ATF6: variants seen among roughly 807,000 people sequenced by gnomAD.
ATF6 encodes activating transcription factor 6.
In ATF6, 53 loss-of-function variants were observed where a neutral mutation model predicts 83.6. The ratio of observed to expected loss-of-function variants is 0.63; its 90% CI spans 0.51 to 0.80. The LOEUF (loss-of-function observed/expected upper bound fraction) is 0.80. Among genes scored for constraint, ATF6 ranks in the 30% least tolerant of loss-of-function variants. The probability of loss-of-function intolerance (pLI) is 0.00; values close to 1 mark genes in which losing one functional copy is unlikely to be tolerated. For synonymous variants in ATF6, 288 were observed against 285.8 expected (o/e 1.01, Z -0.08); for missense variants, 744 against 797.9 (o/e 0.93, Z 0.81).
At chr1:161,875,960 T>C (rs1168785534) in intron 14 of ATF6, among the ~76,000 whole-genome samples, 1 of 151,992 alleles carries the variant, frequency 6.6e-6, no homozygotes, top group African/African-American at 2.4e-5. Flanking sequence ...TGTGCATGTA[T>C]ATGAACATAG....
At chr1:161,920,027 C>T (rs1688172811) in intron 15 of ATF6, among the ~76,000 whole-genome samples, 2 of 152,162 alleles carry the variant, frequency 1.3e-5, no homozygotes, top group South Asian at 2.1e-4. Context: ...ATTTGGAAAC[C>T]GTCCTATTCA....
At chr1:161,901,860 A>T (rs1256761873) in intron 14 of ATF6, among the ~76,000 whole-genome samples, 1 of 152,166 alleles carries the variant, frequency 6.6e-6, no homozygotes, top group Non-Finnish European at 1.5e-5. Context: ...GTTTGAATGG[A>T]ACTTGTACCC....
At chr1:161,891,580 T>G (rs1206630212) in intron 14 of ATF6, 1 of 152,262 alleles carries the variant, frequency 6.6e-6, no homozygotes. Context: ...CAGATCCTGC[T>G]GCACCTACGG....
chr1:161,903,822 T>C (rs1687835244), intron 14 of ATF6, among the ~76,000 whole-genome samples: 1 of 152,196 alleles, frequency 6.6e-6, no homozygotes. Context: ...TCCATCCTTT[T>C]AATCTCTGTC....
intron 15 of ATF6, among the ~76,000 whole-genome samples, chr1:161,942,580 A>G (rs1688669074): frequency 6.6e-6 from 1 of 152,204 alleles, no homozygotes; most frequent in Non-Finnish European, 1.5e-5. Flanking sequence ...CACAATAACA[A>G]TTACTCCCAT....
chr1:161,911,351 T>G (rs1022847343), intron 14 of ATF6, among the ~76,000 whole-genome samples: 1 of 152,198 alleles, frequency 6.6e-6, no homozygotes, highest in African/African-American at 2.4e-5. Context: ...CTGAAAACAG[T>G]AGTTAATATC....
intron 6 of ATF6, among the ~76,000 whole-genome samples, chr1:161,797,060 C>T (rs1171785716): frequency 6.6e-6 from 1 of 151,924 alleles, no homozygotes; most frequent in Non-Finnish European, 1.5e-5. Context: ...GCGTATTTGG[C>T]CTAAGCATGT....
chr1:161,864,258 T>C (rs1440301247), intron 14 of ATF6, among the ~76,000 whole-genome samples: 1 of 152,156 alleles, frequency 6.6e-6, no homozygotes, highest in Non-Finnish European at 1.5e-5. Flanking sequence ...AGCAGGTCCA[T>C]TTATATGTGG....
At chr1:161,851,170 A>ACACACACC (rs751938401) in intron 10 of ATF6, among the ~76,000 whole-genome samples, 1 of 135,586 alleles carries the variant, frequency 7.4e-6, no homozygotes, top group South Asian at 2.3e-4. Flanking sequence ...ACACACACAC[A>ACACACACC]CCCCTACCTG....
At chr1:161,912,902 A>G (rs1434625355) in intron 15 of ATF6, among the ~76,000 whole-genome samples, 1 of 152,166 alleles carries the variant, frequency 6.6e-6, no homozygotes, top group Non-Finnish European at 1.5e-5. Flanking sequence ...AATATAATGC[A>G]CAGATGTTAA....
intron 15 of ATF6, among the ~76,000 whole-genome samples, chr1:161,931,719 T>C (rs145097664): frequency 1.2e-3 from 180 of 152,336 alleles, no homozygotes; most frequent in African/African-American, 4.1e-3. Context: ...CCATTTTTTA[T>C]TGGATAATTT....
At chr1:161,793,908 G>GT (rs1015649520) in intron 6 of ATF6, among the ~76,000 whole-genome samples, 206 of 151,566 alleles carry the variant, frequency 1.4e-3, no homozygotes, top group Non-Finnish European at 2.3e-3. Flanking sequence ...CACCTTGCCT[G>GT]TTTTTTTTCT....
intron 7 of ATF6, among the ~76,000 whole-genome samples, chr1:161,812,048 C>T (rs1012875767): frequency 1.3e-5 from 2 of 152,172 alleles, no homozygotes; most frequent in Non-Finnish European, 2.9e-5. Context: ...AAGGAATCAA[C>T]TAGCTAAGTG....
chr1:161,954,945 A>T (rs897843528), intron 15 of ATF6, among the ~76,000 whole-genome samples: 2 of 152,072 alleles, frequency 1.3e-5, no homozygotes, highest in Admixed American at 1.3e-4. Flanking sequence ...TGAACCTTTA[A>T]TGTTTTGACT....
intron 15 of ATF6, among the ~76,000 whole-genome samples, chr1:161,939,370 G>T (rs1050923390): frequency 1.3e-5 from 2 of 152,094 alleles, no homozygotes; most frequent in African/African-American, 4.8e-5. Flanking sequence ...CAACGTGCAG[G>T]TTTGTTACAT....
chr1:161,933,219 A>C (rs564126904), intron 15 of ATF6, among the ~76,000 whole-genome samples: 2 of 152,192 alleles, frequency 1.3e-5, no homozygotes, highest in Non-Finnish European at 2.9e-5. Flanking sequence ...GGAGAATCCA[A>C]AAGTCATGGT....
At chr1:161,856,241 A>G (rs887220679) in intron 12 of ATF6, among the ~76,000 whole-genome samples, 43 of 152,340 alleles carry the variant, frequency 2.8e-4, no homozygotes, top group Middle Eastern at 3.4e-3. Context: ...TGACATTCTG[A>G]AATTCTGTAA....
intron 2 of ATF6, 115 bp from the exon 3 acceptor site, chr1:161,781,797 A>C: frequency 3.2e-6 from 2 of 620,972 alleles, no homozygotes; most frequent in Admixed American, 6.2e-5. Context: ...TATTCTTTTT[A>C]CTAGGTTGGC....
chr1:161,790,660 A>G (rs1175619802), intron 4 of ATF6, among the ~76,000 whole-genome samples: 2 of 151,982 alleles, frequency 1.3e-5, no homozygotes, highest in African/African-American at 2.4e-5. Flanking sequence ...AAATACAAAA[A>G]CTTAGCAAGG....
Sources: gnomAD v4.1 joint callset for allele counts (sites outside exome capture counted in the v4.1 genomes callset) on GRCh38, gnomAD v4.1.1 for gene constraint, MANE v1.5 for transcripts, NCBI Gene and HGNC (gene_info 2026-07-23, HGNC 2026-07-21) for gene names.